The following BMPR1A variants were observed in gnomAD, a reference collection of about 807,000 sequenced individuals.
BMPR1A encodes bone morphogenetic protein receptor type 1A.
In BMPR1A, 7 loss-of-function variants were observed where a neutral mutation model predicts 66.0. The ratio of observed to expected loss-of-function variants is 0.11; its 90% CI spans 0.06 to 0.20. The LOEUF is 0.20. Among genes scored for constraint, BMPR1A ranks in the 10% least tolerant of loss-of-function variants. The pLI is 1.00. For synonymous variants in BMPR1A, 200 were observed against 229.7 expected, an observed-to-expected ratio of 0.87 and a Z score of 1.17; for missense variants, 408 against 669.1, an observed-to-expected ratio of 0.61 and a Z score of 4.31.
chr10:86,900,262 T>C (rs908407926), intron 7 of BMPR1A, 136 bp downstream of exon 7: 1 of 826,124 alleles, frequency 1.2e-6, no homozygotes, highest in Admixed American at 2.3e-5. Flanking sequence ...AGACTATAGT[T>C]CTCTTAAGGG....
intron 3 of BMPR1A, among the ~76,000 whole-genome samples, chr10:86,876,876 AGTTT>A (rs1267236817): frequency 6.6e-6 from 1 of 152,234 alleles, no homozygotes; most frequent in Non-Finnish European, 1.5e-5. Flanking sequence ...GAGCACTGAC[AGTTT>A]GTTTATGACC....
At chr10:86,801,889 C>T (rs1021270358) in intron 1 of BMPR1A, among the ~76,000 whole-genome samples, 1 of 151,826 alleles carries the variant, frequency 6.6e-6, no homozygotes, top group Non-Finnish European at 1.5e-5. Flanking sequence ...ATTTTTTGTA[C>T]TTTTTTAGTA....
chr10:86,878,718 A>G (rs946567469), intron 3 of BMPR1A, among the ~76,000 whole-genome samples: 1 of 152,232 alleles, frequency 6.6e-6, no homozygotes, highest in Admixed American at 6.5e-5. Context: ...CCAGGAAAGC[A>G]AAAGTGTCAC....
At chr10:86,889,239 C>T (rs926713940) in intron 3 of BMPR1A, among the ~76,000 whole-genome samples, 2 of 152,200 alleles carry the variant, frequency 1.3e-5, no homozygotes, top group African/African-American at 4.8e-5. Flanking sequence ...AGTTCTATTT[C>T]TGTGAGCTAA....
chr10:86,759,663 G>C (rs922601593), intron 1 of BMPR1A, among the ~76,000 whole-genome samples: 2 of 152,140 alleles, frequency 1.3e-5, no homozygotes, highest in Non-Finnish European at 2.9e-5. Context: ...ATTCATATTG[G>C]TGTGAAGGTA....
intron 2 of BMPR1A, among the ~76,000 whole-genome samples, chr10:86,875,572 A>C (rs1842910770): frequency 6.6e-6 from 1 of 151,976 alleles, no homozygotes; most frequent in Admixed American, 6.6e-5. Flanking sequence ...GGGAATTTTC[A>C]TGTTATTAAT....
intron 3 of BMPR1A, chr10:86,889,750 T>C (rs1044709620): frequency 1.8e-5 from 5 of 279,276 alleles, no homozygotes; most frequent in Non-Finnish European, 3.4e-5. Context: ...TTAAAAAATT[T>C]TTAAGTTATT....
intron 2 of BMPR1A, among the ~76,000 whole-genome samples, chr10:86,852,997 A>C (rs936180254): frequency 5.3e-5 from 8 of 152,240 alleles, no homozygotes; most frequent in Non-Finnish European, 8.8e-5. Context: ...ATGAAAGGCT[A>C]ATAAACTATT....
intron 2 of BMPR1A, among the ~76,000 whole-genome samples, chr10:86,875,209 C>T (rs1481138081): frequency 2.0e-5 from 3 of 151,570 alleles, no homozygotes; most frequent in African/African-American, 7.3e-5. Context: ...CCCATCTCTA[C>T]TAAAAATACA....
At chr10:86,861,279 G>T (rs946602825) in intron 2 of BMPR1A, among the ~76,000 whole-genome samples, 1 of 152,176 alleles carries the variant, frequency 6.6e-6, no homozygotes, top group Non-Finnish European at 1.5e-5. Context: ...TGAGCTTCAC[G>T]TGCATACAGC....
chr10:86,792,006 A>G (rs1037857753), intron 1 of BMPR1A, among the ~76,000 whole-genome samples: 1 of 147,540 alleles, frequency 6.8e-6, no homozygotes, highest in African/African-American at 2.5e-5. Context: ...GGCGTGAGCC[A>G]CTGTTCCCAG....
chr10:86,846,008 A>G (rs896914267), intron 2 of BMPR1A, among the ~76,000 whole-genome samples: 1 of 151,644 alleles, frequency 6.6e-6, no homozygotes, highest in African/African-American at 2.4e-5. Context: ...AAAAAAAAAA[A>G]ATTATATATA....
intron 1 of BMPR1A, among the ~76,000 whole-genome samples, chr10:86,809,595 C>CT (rs71019431): frequency 0.47 from 57,908 of 123,766 alleles, 14,080 homozygotes; most frequent in East Asian, 0.69. Flanking sequence ...CACCCGACCT[C>CT]TTTTTTTTTT....
chr10:86,847,696 G>A (rs1363304265), intron 2 of BMPR1A, among the ~76,000 whole-genome samples: 1 of 151,844 alleles, frequency 6.6e-6, no homozygotes, highest in Admixed American at 6.6e-5. Flanking sequence ...GTATGTGTGT[G>A]TATAAAGATT....
At chr10:86,862,006 T>G (rs1366482363) in intron 2 of BMPR1A, among the ~76,000 whole-genome samples, 1 of 152,242 alleles carries the variant, frequency 6.6e-6, no homozygotes, top group Non-Finnish European at 1.5e-5. Context: ...CAATAAATAT[T>G]TATTTAGTAT....
chr10:86,778,247 A>T (rs996935211), intron 1 of BMPR1A, among the ~76,000 whole-genome samples: 1 of 151,272 alleles, frequency 6.6e-6, no homozygotes, highest in Non-Finnish European at 1.5e-5. Context: ...TTTTTTTGGT[A>T]GCTCATCAGC....
chr10:86,759,773 C>T (rs1038938000), intron 1 of BMPR1A, among the ~76,000 whole-genome samples: 1 of 152,130 alleles, frequency 6.6e-6, no homozygotes, highest in African/African-American at 2.4e-5. Context: ...GTTTGGAAGA[C>T]CTCCCCTATG....
At chr10:86,763,115 C>T (rs577101346) in intron 1 of BMPR1A, among the ~76,000 whole-genome samples, 2 of 152,006 alleles carry the variant, frequency 1.3e-5, no homozygotes, top group Admixed American at 6.6e-5. Flanking sequence ...AGGCTGATCT[C>T]GAACTCCTGA....
rs181908904 is a variant in BMPR1A at position 86,760,849 on chromosome 10, G to A, written c.-268+3930G>A. ...ACATCACAAGGTCCATATTGACCAA[G>A]TTGGACCAACTTTTTAACACAAGAT... On this transcript the variant is annotated intron_variant, in intron 1 of 12. Transcript: ENST00000372037. Among the ~76,000 whole-genome samples, 250 of 152,278 alleles carry A rather than the reference G, an allele frequency of 1.6e-3. 1 individual carries two copies. Among genetic ancestry groups the A allele is most frequent in the African/African-American group, 5.5e-3 (229 of 41,570 alleles).
Sources: allele counts gnomAD v4.1 joint callset (sites outside exome capture counted in the v4.1 genomes callset), GRCh38; gene constraint gnomAD v4.1.1; transcripts MANE v1.5; gene names NCBI Gene and HGNC (gene_info 2026-07-23, HGNC 2026-07-21).